R3HDM2: variants seen among roughly 807,000 people sequenced by gnomAD.
The protein encoded by R3HDM2 is R3H domain-containing protein 2.
Under a neutral mutation model 124.5 loss-of-function variants are expected in R3HDM2, and 38 were observed. The ratio of observed to expected loss-of-function variants is 0.31; its 90% CI spans 0.24 to 0.40. The LOEUF (loss-of-function observed/expected upper bound fraction) is 0.40, where lower values mean the gene tolerates loss of function less well. Among genes scored for constraint, R3HDM2 ranks in the 10% least tolerant of loss-of-function variants. The pLI, the probability that R3HDM2 is intolerant of heterozygous loss-of-function variation, is 1.00. For synonymous variants in R3HDM2, 391 were observed against 448.0 expected, an observed-to-expected ratio of 0.87 and a Z score of 1.61; for missense variants, 869 against 1,236.9, an observed-to-expected ratio of 0.70 and a Z score of 4.46.
chr12:57,353,284 A>G (rs765756988), intron 2 of R3HDM2, among the ~76,000 whole-genome samples: 16 of 152,158 alleles, frequency 1.1e-4, no homozygotes, highest in Admixed American at 7.9e-4. Flanking sequence ...CCAAAAAGAA[A>G]ATGACAAGTA....
intron 19 of R3HDM2, among the ~76,000 whole-genome samples, chr12:57,262,124 A>T (rs990425102): frequency 3.3e-5 from 5 of 152,226 alleles, no homozygotes; most frequent in Non-Finnish European, 7.3e-5. Flanking sequence ...GTTTGGAGAA[A>T]TAAAATCCAC....
intron 14 of R3HDM2, 91 bp from the exon 15 acceptor site, chr12:57,270,085 T>C: frequency 6.8e-7 from 1 of 1,477,790 alleles, no homozygotes; most frequent in Non-Finnish European, 9.3e-7. Context: ...GCAATGCTTT[T>C]TACAACCTTC....
At chr12:57,319,528 GCC>G (rs199682753) in intron 2 of R3HDM2, among the ~76,000 whole-genome samples, 1 of 117,134 alleles carries the variant, frequency 8.5e-6, no homozygotes, top group Non-Finnish European at 2.0e-5. Flanking sequence ...CCTCCCACCG[GCC>G]CCTGTTTAGC....
intron 21 of R3HDM2, among the ~76,000 whole-genome samples, chr12:57,257,010 G>C (rs2039254818): frequency 6.6e-6 from 1 of 152,060 alleles, no homozygotes; most frequent in Admixed American, 6.6e-5. Context: ...AGTAGAGATG[G>C]GGTTTCACCA....
Position 57,269,780 on chromosome 12 carries a change from G to A in R3HDM2, c.1559C>T (p.Pro520Leu), listed in dbSNP as rs2043193573. 6.2e-7 allele frequency: 1 copy of A among 1,614,186 alleles called. No homozygotes were observed. The highest frequency in any genetic ancestry group is 1.7e-5 in the Admixed American group (1 of 60,022). ...HAPPTQQVLPPQGYMQPPQQI... is the reference protein window; with the variant it reads ...HAPPTQQVLPLQGYMQPPQQI... ...TTGAGGGGGCTGCATGTACCCCTGG[G>A]GTGGCAGAACTTGCTGAGTAGGTGG... The change falls in exon 15 of 24, where the codon CCC becomes CTC. Residue 520 changes from proline (P) to leucine (L), a missense_variant. Transcript: ENST00000402412.
intron 2 of R3HDM2, among the ~76,000 whole-genome samples, chr12:57,393,096 G>A (rs1054635228): frequency 3.5e-5 from 5 of 140,906 alleles, no homozygotes; most frequent in Non-Finnish European, 6.1e-5. Flanking sequence ...CAGCCACTGC[G>A]CCAGGCATTT....
At chr12:57,279,820 G>A (rs955151870) in intron 14 of R3HDM2, among the ~76,000 whole-genome samples, 1 of 152,042 alleles carries the variant, frequency 6.6e-6, no homozygotes, top group African/African-American at 2.4e-5. Context: ...AACAGAAGGA[G>A]AAGGATACAG....
intron 14 of R3HDM2, among the ~76,000 whole-genome samples, chr12:57,271,206 C>T (rs2043517183): frequency 6.6e-6 from 1 of 152,186 alleles, no homozygotes; most frequent in African/African-American, 2.4e-5. Flanking sequence ...TTCTCTGACA[C>T]TAGCCTAGAA....
At chr12:57,329,007 T>C (rs951430716) in intron 2 of R3HDM2, among the ~76,000 whole-genome samples, 1 of 152,136 alleles carries the variant, frequency 6.6e-6, no homozygotes. Context: ...AAGATCCCAA[T>C]CCTAATATAC....
chr12:57,293,143 A>G (rs936166475), intron 10 of R3HDM2, among the ~76,000 whole-genome samples: 2 of 152,174 alleles, frequency 1.3e-5, no homozygotes, highest in Non-Finnish European at 2.9e-5. Context: ...TTATTTAGTC[A>G]CTAATGCCAT....
rs535082907 is a variant in R3HDM2, at chr12:57,254,238, C to T, written c.*535G>A. The stretch of plus-strand genomic sequence containing the variant: ...GATGGAAGCCAGGCACAGTGGCTCA[C>T]GCCTGTAATCCCAGCACTCTGGAAG... On this transcript the variant is annotated 3_prime_UTR_variant, in exon 24 of 24. Transcript: ENST00000402412. The T allele has an allele frequency of 2.0e-5, 9 of 454,938 alleles. No individual in the cohort carries two copies. The highest frequency in any genetic ancestry group is 4.8e-4 in the Middle Eastern group (1 of 2,086). 28.2% of individuals were successfully genotyped at this position (454,938 alleles called of 1,614,324 possible). A position where few individuals can be genotyped will look rare whatever the true frequency, so the allele number is the denominator to read the frequency against.
At chr12:57,337,785 A>G (rs2059046658) in intron 2 of R3HDM2, among the ~76,000 whole-genome samples, 1 of 152,160 alleles carries the variant, frequency 6.6e-6, no homozygotes, top group Non-Finnish European at 1.5e-5. Flanking sequence ...TCCCAATATG[A>G]AAGCCCCAGA....
At chr12:57,327,965 C>G (rs1479226216) in intron 2 of R3HDM2, among the ~76,000 whole-genome samples, 1 of 152,106 alleles carries the variant, frequency 6.6e-6, no homozygotes, top group South Asian at 2.1e-4. Context: ...AGGACTGACT[C>G]CAATTTTGCA....
intron 2 of R3HDM2, among the ~76,000 whole-genome samples, chr12:57,363,001 T>A (rs536504390): frequency 3.3e-5 from 5 of 152,038 alleles, no homozygotes; most frequent in Non-Finnish European, 7.4e-5. Context: ...TTTTGTATTT[T>A]TATTAGAGAT....
At chr12:57,408,685 C>T (rs2068743952) in intron 1 of R3HDM2, among the ~76,000 whole-genome samples, 2 of 152,018 alleles carry the variant, frequency 1.3e-5, no homozygotes, top group Admixed American at 6.6e-5. Context: ...CTTCTGAATA[C>T]ATACGAAATT....
intron 2 of R3HDM2, among the ~76,000 whole-genome samples, chr12:57,342,103 T>G (rs911140204): frequency 9.9e-5 from 15 of 152,146 alleles, no homozygotes; most frequent in Admixed American, 1.3e-4. Context: ...CTTTATAGCT[T>G]CTTTCTACCC....
intron 2 of R3HDM2, among the ~76,000 whole-genome samples, chr12:57,328,234 G>T (rs2057595833): frequency 6.6e-6 from 1 of 152,124 alleles, no homozygotes; most frequent in South Asian, 2.1e-4. Context: ...GTTAATTTTT[G>T]TATTTTCTGT....
intron 2 of R3HDM2, among the ~76,000 whole-genome samples, chr12:57,326,999 T>A (rs980268131): frequency 4.2e-4 from 59 of 140,880 alleles, no homozygotes; most frequent in South Asian, 1.2e-3. Context: ...AAAAAAAAAA[T>A]ATTCCTTTTA....
chr12:57,383,058 ATT>A (rs2065136260), intron 2 of R3HDM2, among the ~76,000 whole-genome samples: 1 of 151,610 alleles, frequency 6.6e-6, no homozygotes. Context: ...TAATTTTTGT[ATT>A]TTTAGTAAAG....
Sources: gnomAD v4.1 joint callset for allele counts (sites outside exome capture counted in the v4.1 genomes callset) on GRCh38, gnomAD v4.1.1 for gene constraint, MANE v1.5 for transcripts, NCBI Gene and HGNC (gene_info 2026-07-23, HGNC 2026-07-21) for gene names.